The following LCP2 variants were observed in gnomAD, a reference collection of about 807,000 sequenced individuals.
LCP2 encodes the protein lymphocyte cytosolic protein 2.
A neutral mutation model predicts 74.5 loss-of-function variants in LCP2; 29 were observed. That is an observed-to-expected ratio of 0.39 (90% confidence interval 0.29 to 0.53). LCP2 has a LOEUF of 0.53. LCP2 is among the 20% of genes least tolerant of loss of function. LCP2 has a pLI of 0.72. For missense variants in LCP2, 604 were observed against 634.6 expected (o/e 0.95, Z 0.52); for synonymous variants, 228 against 229.5 (o/e 0.99, Z 0.06).
chr5:170,286,164 G>A (rs976926189), intron 3 of LCP2, among the ~76,000 whole-genome samples: 3 of 152,102 alleles, frequency 2.0e-5, no homozygotes, highest in Admixed American at 6.5e-5. Context: ...AATGGTTGAC[G>A]TACCTTAGGA....
In LCP2 at chr5:170,258,056, G is replaced by T. The variant is rs368014143; in HGVS notation, c.1081C>A (p.Pro361Thr). Residue 361 changes from proline to threonine, a missense_variant, in exon 16 of 21, where the codon CCT (proline) becomes ACT (threonine). Pro to Thr is a conservative substitution (Grantham distance 38). Transcript: ENST00000046794. Reference protein sequence around the residue: ...PMNPLPSSHMPGAFSESNSSF... With the variant: ...PMNPLPSSHMTGAFSESNSSF... ...ACAAACCTTTCTGAGAATGCTCCAG[G>T]CATGTGAGAGGATGGGAGAGGGTTC... The T allele has an allele frequency of 1.5e-5, 24 of 1,613,770 alleles. No homozygotes were observed. Among genetic ancestry groups the T allele is most frequent in the Non-Finnish European group, 2.0e-5 (24 of 1,179,786 alleles).
intron 10 of LCP2, among the ~76,000 whole-genome samples, chr5:170,264,447 C>A (rs1357863519): frequency 6.6e-6 from 1 of 152,206 alleles, no homozygotes; most frequent in African/African-American, 2.4e-5. Context: ...GTTGTATTTT[C>A]ACAACGTGAT....
chr5:170,258,837 A>T, intron 15 of LCP2, 29 bp downstream of exon 15: 1 of 1,549,126 alleles, frequency 6.5e-7, no homozygotes, highest in Non-Finnish European at 8.9e-7. Flanking sequence ...AATGAGTTAT[A>T]GGCTGTAAGA....
intron 16 of LCP2, among the ~76,000 whole-genome samples, chr5:170,257,791 A>G (rs1431814080): frequency 2.0e-5 from 3 of 152,164 alleles, no homozygotes; most frequent in East Asian, 3.9e-4. Context: ...GGCCCATTCT[A>G]TCTGGAGGGA....
rs1350946488 is a variant in LCP2, at chr5:170,248,664, A to T, written c.*33T>A. 6.2e-7 allele frequency: 1 copy of T among 1,604,122 alleles called. No homozygotes were observed. Among genetic ancestry groups the T allele is most frequent in the African/African-American group, 1.4e-5 (1 of 72,604 alleles). ...TTGATCTCGTGTTGGCAACAGAGGC[A>T]GGAGGACGGTTCATTTGCTCGGCTA... On this transcript the variant is annotated 3_prime_UTR_variant, in exon 21 of 21. Coordinates refer to ENST00000046794, the MANE Select transcript of LCP2 (RefSeq NM_005565.5).
At chr5:170,265,768 A>G (rs760680176) in intron 10 of LCP2, among the ~76,000 whole-genome samples, 1 of 152,204 alleles carries the variant, frequency 6.6e-6, no homozygotes, top group Non-Finnish European at 1.5e-5. Context: ...GATTGAGGCC[A>G]CAGAAAGCTA....
intron 6 of LCP2, among the ~76,000 whole-genome samples, chr5:170,272,564 G>C (rs1013995056): frequency 1.2e-4 from 17 of 138,126 alleles, no homozygotes; most frequent in African/African-American, 3.7e-4. Flanking sequence ...GACTAAATGA[G>C]ATCGGTTATA....
Position 170,268,407 on chromosome 5 carries a change from G to T in LCP2, c.599C>A (p.Pro200Gln), listed in dbSNP as rs572700578. The T allele has an allele frequency of 1.6e-5, 12 of 771,532 alleles. No individual in the cohort carries two copies. In the African/African-American group the frequency reaches 1.7e-4, roughly 11 times the overall value. 47.8% of individuals were successfully genotyped at this position (771,532 alleles called of 1,614,324 possible). ...PQRPMAALPP[P>Q]PAGRNHSPLP... Reference sequence around the variant, plus strand: ...TACCGAGTGATTCCGGCCGGCTGGTGGGGGCGGGAGGGCGGCCATCGGTCT... The same window carrying T: ...TACCGAGTGATTCCGGCCGGCTGGTTGGGGCGGGAGGGCGGCCATCGGTCT... The change falls in exon 8 of 21, where the codon CCA becomes CAA. Residue 200 changes from proline (P) to glutamine (Q), a missense_variant. Coordinates refer to ENST00000046794, the MANE Select transcript of LCP2 (RefSeq NM_005565.5).
intron 3 of LCP2, among the ~76,000 whole-genome samples, chr5:170,286,167 C>A (rs1163634658): frequency 6.6e-6 from 1 of 152,206 alleles, no homozygotes; most frequent in African/African-American, 2.4e-5. Context: ...GGTTGACGTA[C>A]CTTAGGACGA....
chr5:170,257,803 C>T (rs1365274741), intron 16 of LCP2, among the ~76,000 whole-genome samples: 3 of 152,062 alleles, frequency 2.0e-5, no homozygotes, highest in Admixed American at 6.5e-5. Context: ...CTGGAGGGAT[C>T]AAGGAGGAAG....
intron 1 of LCP2, among the ~76,000 whole-genome samples, chr5:170,296,845 G>A (rs1762395975): frequency 6.6e-6 from 1 of 152,136 alleles, no homozygotes; most frequent in Non-Finnish European, 1.5e-5. Context: ...TATAAATTGG[G>A]GCTCACATCA....
intron 3 of LCP2, among the ~76,000 whole-genome samples, chr5:170,284,471 T>G (rs1050830881): frequency 1.4e-5 from 2 of 143,340 alleles, no homozygotes; most frequent in African/African-American, 5.3e-5. Flanking sequence ...TTTTTTTTTC[T>G]GACTGCTTTT....
At chr5:170,285,188 G>A (rs1004612574) in intron 3 of LCP2, among the ~76,000 whole-genome samples, 6 of 152,168 alleles carry the variant, frequency 3.9e-5, no homozygotes, top group Non-Finnish European at 8.8e-5. Context: ...CCCAAGCAGT[G>A]TATTTCTAAT....
At chr5:170,255,436 C>T (rs1761533183) in intron 17 of LCP2, among the ~76,000 whole-genome samples, 2 of 152,034 alleles carry the variant, frequency 1.3e-5, no homozygotes, top group Admixed American at 6.5e-5. Flanking sequence ...AACATGACTG[C>T]AAAAAAAGTG....
At chr5:170,277,834 G>A (rs1478297710) in intron 3 of LCP2, among the ~76,000 whole-genome samples, 2 of 151,826 alleles carry the variant, frequency 1.3e-5, no homozygotes, top group Non-Finnish European at 2.9e-5. Context: ...AAACACACTG[G>A]TACTTAAGAG....
intron 3 of LCP2, among the ~76,000 whole-genome samples, chr5:170,284,078 C>T (rs1166196998): frequency 6.6e-6 from 1 of 152,148 alleles, no homozygotes; most frequent in Non-Finnish European, 1.5e-5. Context: ...TAACAAAGGC[C>T]TGACACATTG....
intron 18 of LCP2, 111 bp from the exon 19 acceptor site, chr5:170,252,622 G>A: frequency 1.6e-6 from 1 of 612,418 alleles, no homozygotes; most frequent in South Asian, 1.9e-5. Context: ...ATTCCAGGAG[G>A]TCTGAAACAT....
At position 170,275,308 on chromosome 5, in the gene LCP2, T is replaced by G; in HGVS notation, c.286+12A>C. On this transcript the variant is annotated intron_variant, in intron 5 of 20. Transcript: ENST00000046794. ...TCCTAAAGCAATCACCTCTGAGCCC[T>G]GAGAGCTTTACCTGTCTCTTCAGGA... 6.2e-7 allele frequency: 1 copy of G among 1,614,006 alleles called. No individual in the cohort carries two copies. Among genetic ancestry groups the G allele is most frequent in the Non-Finnish European group, 8.5e-7 (1 of 1,179,860 alleles).
Position 170,268,411 on chromosome 5 carries a change from G to C in LCP2, c.595C>G (p.Pro199Ala), listed in dbSNP as rs766905190. 4.0e-6 allele frequency: 3 copies of C among 751,568 alleles called. No individual in the cohort carries two copies. Among genetic ancestry groups the C allele is most frequent in the Non-Finnish European group, 5.2e-6 (3 of 574,970 alleles). The allele number at this position is 751,568 out of a possible 1,614,324, so 46.6% of individuals were successfully genotyped here. A position where few individuals can be genotyped will look rare whatever the true frequency, so the allele number is the denominator to read the frequency against. The change falls in exon 8 of 21, where the codon CCC becomes GCC. Residue 199 changes from proline (P) to alanine (A), a missense_variant. By Grantham distance (27) the Pro-to-Ala change is conservative. Transcript: ENST00000046794. ...PPQRPMAALP[P>A]PPAGRNHSPL... ...GAGTGATTCCGGCCGGCTGGTGGGG[G>C]CGGGAGGGCGGCCATCGGTCTCTGG...
Sources: allele counts gnomAD v4.1 joint callset (sites outside exome capture counted in the v4.1 genomes callset), GRCh38; gene constraint gnomAD v4.1.1; transcripts MANE v1.5; gene names NCBI Gene and HGNC (gene_info 2026-07-23, HGNC 2026-07-21).